The following TTC39C variants were observed in gnomAD, a reference collection of about 807,000 sequenced individuals.
TTC39C encodes the protein tetratricopeptide repeat protein 39C.
In TTC39C, 33 loss-of-function variants were observed where a neutral mutation model predicts 76.3. The observed-to-expected ratio is 0.43, with a 90% CI of 0.33 to 0.58. TTC39C has a LOEUF of 0.58. TTC39C is among the 20% of genes least tolerant of loss of function. TTC39C has a pLI of 0.04. For synonymous variants in TTC39C, 254 were observed against 260.6 expected (o/e 0.97, Z 0.24); for missense variants, 595 against 701.4 (o/e 0.85, Z 1.71).
chr18:24,088,874 C>T (rs62089608), intron 6 of TTC39C, among the ~76,000 whole-genome samples: 53,132 of 152,120 alleles, frequency 0.35, 11,536 homozygotes, highest in Non-Finnish European at 0.48. Context: ...CTATCCCCGG[C>T]GTGCCTGTGT....
intron 8 of TTC39C, 42 bp from the exon 9 acceptor site, chr18:24,123,792 C>T: frequency 6.8e-7 from 1 of 1,462,024 alleles, no homozygotes; most frequent in Non-Finnish European, 9.3e-7. Context: ...ATGGCATTTT[C>T]CCTGACTTGT....
At chr18:24,119,346 G>C (rs1410999733) in intron 8 of TTC39C, among the ~76,000 whole-genome samples, 1 of 152,236 alleles carries the variant, frequency 6.6e-6, no homozygotes, top group Non-Finnish European at 1.5e-5. Flanking sequence ...GCAGCCACAT[G>C]AGTGGTTCTT....
At position 24,063,144 on chromosome 18, in the gene TTC39C, A is replaced by G. The variant is rs2084119706; in HGVS notation, c.168-996A>G. ...AGCTTTTCCTTTTAGTGCAATTTAT[A>G]GAAATCTGGATTTTGTACTATTTTG... On this transcript the variant is annotated intron_variant, in intron 1 of 13. Coordinates refer to ENST00000317571, the MANE Select transcript of TTC39C (RefSeq NM_001135993.2). Among the ~76,000 whole-genome samples the G allele has an allele frequency of 4.6e-5, 7 of 152,268 alleles. No individual in the cohort carries two copies. The South Asian group carries it at 1.4e-3, about 32-fold the overall frequency.
At chr18:23,996,139 T>C (rs2083259156) in intron 1 of TTC39C, among the ~76,000 whole-genome samples, 1 of 152,242 alleles carries the variant, frequency 6.6e-6, no homozygotes, top group Non-Finnish European at 1.5e-5. Flanking sequence ...TGGGGTTTAG[T>C]TTACATTTCC....
At chr18:24,099,247 T>A (rs2084647414) in intron 6 of TTC39C, 1 of 151,818 alleles carries the variant, frequency 6.6e-6, no homozygotes, top group Non-Finnish European at 1.5e-5. Flanking sequence ...GAGATCCAGG[T>A]GCCAGAAGAT....
intron 9 of TTC39C, 132 bp downstream of exon 9, chr18:24,124,075 A>G (rs956293913): frequency 3.3e-6 from 2 of 598,828 alleles, no homozygotes; most frequent in Non-Finnish European, 5.8e-6. Context: ...GTTCACCGCC[A>G]TGCAGAGGAT....
intron 1 of TTC39C, among the ~76,000 whole-genome samples, chr18:24,017,343 C>CTTTGG (rs1475299485): frequency 1.3e-5 from 2 of 152,198 alleles, no homozygotes; most frequent in African/African-American, 4.8e-5. Context: ...TGGCTGCTGA[C>CTTTGG]TTTGGTTTCT....
At chr18:24,015,080 C>T (rs2083436318) in intron 1 of TTC39C, 42 bp downstream of exon 1, 3 of 1,371,570 alleles carry the variant, frequency 2.2e-6, no homozygotes, top group South Asian at 1.7e-5. Flanking sequence ...GCAGCGCGCA[C>T]CTCGTGTCCG....
chr18:24,127,906 C>T (rs959118112), intron 10 of TTC39C, among the ~76,000 whole-genome samples: 16 of 152,190 alleles, frequency 1.1e-4, no homozygotes, highest in Non-Finnish European at 1.9e-4. Context: ...TCCCAGAATC[C>T]TCTGTGGTCT....
intron 1 of TTC39C, among the ~76,000 whole-genome samples, chr18:23,997,262 A>G (rs955094156): frequency 1.3e-4 from 20 of 151,902 alleles, no homozygotes; most frequent in African/African-American, 4.8e-4. Flanking sequence ...AAAAAGAAAA[A>G]TAAAAAGGCC....
Position 24,132,918 on chromosome 18 carries a change from C to T in TTC39C, c.*344C>T. 1 of 189,972 alleles carries T rather than the reference C, an allele frequency of 5.3e-6. No homozygotes were observed. Among genetic ancestry groups the T allele is most frequent in the Non-Finnish European group, 1.1e-5 (1 of 93,358 alleles). The allele number at this position is 189,972 out of a possible 1,614,324, so 11.8% of individuals were successfully genotyped here. On this transcript the variant is annotated 3_prime_UTR_variant, in exon 14 of 14. Coordinates refer to ENST00000317571, the MANE Select transcript of TTC39C (RefSeq NM_001135993.2). ...ATCCTGTAGGAACACCTACCTTAAG[C>T]ACATATCTGAATGGGTAACATGATG...
At chr18:24,053,165 A>G (rs1338157027) in intron 1 of TTC39C, among the ~76,000 whole-genome samples, 1 of 152,222 alleles carries the variant, frequency 6.6e-6, no homozygotes, top group Non-Finnish European at 1.5e-5. Flanking sequence ...AACAATATGA[A>G]TCATGTCAAG....
chr18:24,062,568 A>G (rs921665498), intron 1 of TTC39C, among the ~76,000 whole-genome samples: 1 of 152,196 alleles, frequency 6.6e-6, no homozygotes, highest in Non-Finnish European at 1.5e-5. Context: ...ATCTAGGTTC[A>G]TGGGTGTGAG....
intron 4 of TTC39C, among the ~76,000 whole-genome samples, chr18:24,071,041 G>A (rs948644421): frequency 6.6e-6 from 1 of 151,754 alleles, no homozygotes; most frequent in Non-Finnish European, 1.5e-5. Context: ...TGATTCTCCT[G>A]CCTCAGCCTC....
intron 6 of TTC39C, among the ~76,000 whole-genome samples, chr18:24,098,382 TTCCCTCCCTCCCTCCC>T (rs1290848656): frequency 1.2e-4 from 13 of 104,014 alleles, no homozygotes; most frequent in Non-Finnish European, 1.9e-4. Context: ...TTTCTTTTCC[TTCCCTCCCTCCCTCCC>T]TCCCTCCCTC....
At chr18:24,121,436 G>T (rs1186284318) in intron 8 of TTC39C, among the ~76,000 whole-genome samples, 2 of 152,120 alleles carry the variant, frequency 1.3e-5, no homozygotes, top group African/African-American at 4.8e-5. Context: ...AAAATTAGCT[G>T]GGTGTGGTGG....
At chr18:24,045,902 TATATATATATATATATATA>T (rs2083864774) in intron 1 of TTC39C, among the ~76,000 whole-genome samples, 1 of 38,542 alleles carries the variant, frequency 2.6e-5, no homozygotes, top group Non-Finnish European at 4.2e-5. Flanking sequence ...AATATATATA[TATATATATATATATATATA>T]TATATATTTT....
At chr18:24,106,894 A>G (rs897537699) in intron 6 of TTC39C, among the ~76,000 whole-genome samples, 1 of 152,164 alleles carries the variant, frequency 6.6e-6, no homozygotes, top group Non-Finnish European at 1.5e-5. Flanking sequence ...CATGTTGGCC[A>G]GGCTGGTCTC....
intron 1 of TTC39C, among the ~76,000 whole-genome samples, chr18:24,006,214 T>C (rs2083351159): frequency 6.6e-6 from 1 of 152,114 alleles, no homozygotes; most frequent in Non-Finnish European, 1.5e-5. Context: ...GGTTTTGCTA[T>C]GTTGCTCAGG....
Sources: gnomAD v4.1 joint callset for allele counts (sites outside exome capture counted in the v4.1 genomes callset) on GRCh38, gnomAD v4.1.1 for gene constraint, MANE v1.5 for transcripts, NCBI Gene and HGNC (gene_info 2026-07-23, HGNC 2026-07-21) for gene names.